The following MECOM variants were observed in gnomAD, a reference collection of about 807,000 sequenced individuals.
MECOM encodes MDS1 and EVI1 complex locus.
MECOM carries 13 observed loss-of-function variants against 116.3 expected under a neutral mutation model. The observed-to-expected ratio is 0.11, with a 90% confidence interval of 0.07 to 0.18. The LOEUF (loss-of-function observed/expected upper bound fraction) is 0.18, where lower values mean the gene tolerates loss of function less well. MECOM is among the 10% of genes least tolerant of loss of function. The probability of loss-of-function intolerance (pLI) is 1.00; values close to 1 mark genes in which losing one functional copy is unlikely to be tolerated. For missense variants in MECOM, 1,299 were observed against 1,509.0 expected, an observed-to-expected ratio of 0.86 and a Z score of 2.31; for synonymous variants, 528 against 535.2, an observed-to-expected ratio of 0.99 and a Z score of 0.19.
At chr3:169,543,406 C>T (rs1760340805) in intron 1 of MECOM, among the ~76,000 whole-genome samples, 1 of 152,120 alleles carries the variant, frequency 6.6e-6, no homozygotes, top group African/African-American at 2.4e-5. Flanking sequence ...AAGATCCTGT[C>T]TCTACAAAAA....
At chr3:169,590,545 G>T (rs769816496) in intron 1 of MECOM, among the ~76,000 whole-genome samples, 2 of 152,190 alleles carry the variant, frequency 1.3e-5, no homozygotes, top group Non-Finnish European at 2.9e-5. Flanking sequence ...GAAAATTCAG[G>T]CCTGTCACAT....
At chr3:169,336,740 A>G (rs1723640225) in intron 2 of MECOM, among the ~76,000 whole-genome samples, 2 of 152,172 alleles carry the variant, frequency 1.3e-5, no homozygotes, top group African/African-American at 4.8e-5. Flanking sequence ...TCCAATATTT[A>G]TTATTAAAAG....
intron 2 of MECOM, among the ~76,000 whole-genome samples, chr3:169,308,478 TG>T (rs1718116250): frequency 6.6e-6 from 1 of 152,238 alleles, no homozygotes; most frequent in African/African-American, 2.4e-5. Flanking sequence ...ACACAAGGGC[TG>T]CTCTAGGCAT....
intron 1 of MECOM, among the ~76,000 whole-genome samples, chr3:169,565,460 C>T (rs540630935): frequency 6.6e-6 from 1 of 152,302 alleles, no homozygotes; most frequent in African/African-American, 2.4e-5. Context: ...CAGCTCTGGA[C>T]ATCTGTCTGG....
intron 2 of MECOM, among the ~76,000 whole-genome samples, chr3:169,298,991 G>A (rs1716171142): frequency 6.6e-6 from 1 of 152,134 alleles, no homozygotes; most frequent in South Asian, 2.1e-4. Flanking sequence ...TAAGATTCTG[G>A]GAACTACTTA....
At chr3:169,404,041 A>C (rs1055773033) in intron 1 of MECOM, among the ~76,000 whole-genome samples, 1 of 152,130 alleles carries the variant, frequency 6.6e-6, no homozygotes, top group Admixed American at 6.6e-5. Flanking sequence ...TGAGAGACCA[A>C]ATCAGTCATT....
chr3:169,248,579 A>G (rs1560043185), intron 2 of MECOM, among the ~76,000 whole-genome samples: 1 of 152,124 alleles, frequency 6.6e-6, no homozygotes, highest in Non-Finnish European at 1.5e-5. Flanking sequence ...GGGTACTGTT[A>G]TGGTACCCAA....
intron 2 of MECOM, among the ~76,000 whole-genome samples, chr3:169,164,291 T>C (rs1019452627): frequency 6.6e-6 from 1 of 152,048 alleles, no homozygotes; most frequent in African/African-American, 2.4e-5. Context: ...CTGCACAAGC[T>C]CTCTCTCTGC....
At chr3:169,174,046 A>G (rs943154466) in intron 2 of MECOM, among the ~76,000 whole-genome samples, 35 of 152,120 alleles carry the variant, frequency 2.3e-4, no homozygotes, top group African/African-American at 8.5e-4. Context: ...TATCCTGTCT[A>G]CCCTTGACTT....
chr3:169,130,009 C>G (rs1376924250), intron 4 of MECOM, among the ~76,000 whole-genome samples: 3 of 151,990 alleles, frequency 2.0e-5, no homozygotes, highest in Admixed American at 2.0e-4. Context: ...GTATAAAATA[C>G]AAATCATCAT....
chr3:169,146,869 A>G lies in MECOM; in HGVS notation c.376-3037T>C, dbSNP rs925742732. The G allele has an allele frequency of 3.9e-6, 4 of 1,028,698 alleles. No homozygotes were observed. The African/African-American group carries it at 6.8e-5, about 17-fold the overall frequency. 63.7% of individuals were successfully genotyped at this position (1,028,698 alleles called of 1,614,324 possible). A position where few individuals can be genotyped will look rare whatever the true frequency, so the allele number is the denominator to read the frequency against. On this transcript the variant is annotated intron_variant, in intron 2 of 16. Coordinates refer to ENST00000651503, the MANE Select transcript of MECOM (RefSeq NM_004991.4). ...GAGCAACATTTAGAGATGTTTAAAA[A>G]TAATAATAATAATTTTTTAAAAGCC...
At chr3:169,232,387 A>T (rs1753507146) in intron 2 of MECOM, among the ~76,000 whole-genome samples, 1 of 151,920 alleles carries the variant, frequency 6.6e-6, no homozygotes, top group Non-Finnish European at 1.5e-5. Context: ...AAACCACAAA[A>T]AAAGCTTTTG....
intron 1 of MECOM, among the ~76,000 whole-genome samples, chr3:169,496,728 T>C (rs1021108407): frequency 2.0e-5 from 3 of 152,238 alleles, no homozygotes; most frequent in Non-Finnish European, 4.4e-5. Context: ...CACGTCTTAG[T>C]TCATTCCCAA....
chr3:169,147,778 G>A (rs914154335), intron 2 of MECOM: 11 of 924,322 alleles, frequency 1.2e-5, no homozygotes, highest in Non-Finnish European at 1.4e-5. Flanking sequence ...GAGAGAGAGA[G>A]ATGGGGGATG....
intron 2 of MECOM, among the ~76,000 whole-genome samples, chr3:169,328,469 T>C (rs1722210347): frequency 6.6e-6 from 1 of 152,222 alleles, no homozygotes; most frequent in Admixed American, 6.5e-5. Context: ...TTTAGTCTTG[T>C]CATCATATAA....
At chr3:169,627,384 A>G (rs35734140) in intron 1 of MECOM, among the ~76,000 whole-genome samples, 3 of 152,246 alleles carry the variant, frequency 2.0e-5, no homozygotes, top group Non-Finnish European at 2.9e-5. Flanking sequence ...TGAAACTGAT[A>G]TGGAGTGACA....
chr3:169,640,196 CAGT>C (rs925762818), intron 1 of MECOM, among the ~76,000 whole-genome samples: 21 of 151,994 alleles, frequency 1.4e-4, no homozygotes, highest in African/African-American at 4.8e-4. Flanking sequence ...TTTATATGAA[CAGT>C]AGATTTCTAA....
intron 1 of MECOM, among the ~76,000 whole-genome samples, chr3:169,437,545 ACTCT>A (rs1394349280): frequency 2.0e-5 from 3 of 152,114 alleles, no homozygotes; most frequent in African/African-American, 7.2e-5. Flanking sequence ...TCAAATTATA[ACTCT>A]CTCCATTTAA....
chr3:169,467,773 G>A (rs1748544861), intron 1 of MECOM, among the ~76,000 whole-genome samples: 1 of 152,138 alleles, frequency 6.6e-6, no homozygotes, highest in Non-Finnish European at 1.5e-5. Context: ...GGCTGAGAAT[G>A]TTCATAGCTT....
Sources: gnomAD v4.1 joint callset for allele counts (sites outside exome capture counted in the v4.1 genomes callset) on GRCh38, gnomAD v4.1.1 for gene constraint, MANE v1.5 for transcripts, NCBI Gene and HGNC (gene_info 2026-07-23, HGNC 2026-07-21) for gene names.